ESR1: variants seen among roughly 807,000 people sequenced by gnomAD.
ESR1 encodes estrogen receptor.
In ESR1, 12 loss-of-function variants were observed where a neutral mutation model predicts 52.7. The ratio of observed to expected loss-of-function variants is 0.23; its 90% confidence interval spans 0.15 to 0.37. The LOEUF is 0.37. Among genes scored for constraint, ESR1 ranks in the 10% least tolerant of loss-of-function variants. The pLI is 1.00. For synonymous variants in ESR1, 305 were observed against 316.8 expected (o/e 0.96, Z 0.39); for missense variants, 584 against 779.7 (o/e 0.75, Z 2.99).
chr6:152,094,682 C>T lies in ESR1; in HGVS notation c.1553+114C>T. ...CTGCATATGGAGAGTGCACTTGTGA[C>T]AGTTCCTGGCATAGAATAAGCATAA... On this transcript the variant is annotated intron_variant, in intron 7 of 7. Transcript: ENST00000206249. This position sits in a 1 kb window ranked among gnomAD's most constrained non-coding sequence, Gnocchi z 4.6. 1.1e-6 allele frequency: 1 copy of T among 917,100 alleles called. No individual in the cohort carries two copies. The highest frequency in any genetic ancestry group is 1.4e-5 in the South Asian group (1 of 71,310). 56.8% of individuals were successfully genotyped at this position (917,100 alleles called of 1,614,324 possible).
At chr6:151,996,301 T>G (rs969639394) in intron 4 of ESR1, among the ~76,000 whole-genome samples, 1 of 152,138 alleles carries the variant, frequency 6.6e-6, no homozygotes, top group African/African-American at 2.4e-5. Flanking sequence ...TTTCCTTCTC[T>G]CAATACACCC....
At chr6:152,010,411 A>G (rs1271468190) in intron 4 of ESR1, among the ~76,000 whole-genome samples, 2 of 152,120 alleles carry the variant, frequency 1.3e-5, no homozygotes, top group African/African-American at 4.8e-5. Context: ...GCACACACAT[A>G]CACTCAACAG....
chr6:151,678,350 A>G (rs1778326579), intron 1 of ESR1, among the ~76,000 whole-genome samples: 2 of 151,928 alleles, frequency 1.3e-5, no homozygotes, highest in Non-Finnish European at 2.9e-5. Flanking sequence ...GTACACGCCT[A>G]TAATCCCAGC....
chr6:152,047,819 G>A (rs373414351), intron 5 of ESR1, among the ~76,000 whole-genome samples: 13 of 152,160 alleles, frequency 8.5e-5, no homozygotes, highest in African/African-American at 2.6e-4. Flanking sequence ...TCGCTTGGCC[G>A]GGGGAATTAA....
At position 151,921,251 on chromosome 6, in the gene ESR1, A is replaced by C. The variant is rs1188823116; in HGVS notation, c.761-22922A>C. 3.3e-5 allele frequency among the ~76,000 whole-genome samples: 5 copies of C among 152,276 alleles called. No individual in the cohort carries two copies. The South Asian group carries it at 1.0e-3, about 32-fold the overall frequency. ...CTTCCAGCTCCATCCATGTCTCTGC[A>C]AAGGATTTGATATCCTTCCTTTTTA... On this transcript the variant is annotated intron_variant, in intron 3 of 7. Coordinates refer to ENST00000206249, the MANE Select transcript of ESR1 (RefSeq NM_000125.4).
At chr6:151,875,989 G>C (rs988931278) in intron 2 of ESR1, among the ~76,000 whole-genome samples, 2 of 152,142 alleles carry the variant, frequency 1.3e-5, no homozygotes, top group Non-Finnish European at 2.9e-5. Context: ...AAGGATTGGC[G>C]GGGGAAGGCT....
At chr6:151,706,182 G>A (rs749382004) in intron 2 of ESR1, among the ~76,000 whole-genome samples, 10 of 152,174 alleles carry the variant, frequency 6.6e-5, no homozygotes, top group African/African-American at 1.7e-4. Flanking sequence ...TTCCTATTGC[G>A]ACATTCAGCC....
rs778796790 is a variant in ESR1, at chr6:151,728,199, A to C, written c.-71+26194A>C. Among the ~76,000 whole-genome samples, 24 of 152,122 alleles carry C rather than the reference A, an allele frequency of 1.6e-4. 1 individual carries two copies. The highest frequency in any genetic ancestry group is 3.1e-4 in the Non-Finnish European group (21 of 68,016). The stretch of plus-strand genomic sequence containing the variant: ...TTAGCTCTGAGTATCCTTCTCTATA[A>C]AGGAGGATGATGTTCTATTTACCCA... On this transcript the variant is annotated intron_variant, in intron 2 of 2. Transcript: ENST00000404742.
At chr6:151,850,115 T>TATATATATATTATTTTATATAC (rs1562475043) in intron 2 of ESR1, among the ~76,000 whole-genome samples, 10 of 1,738 alleles carry the variant, frequency 5.8e-3, no homozygotes, top group Non-Finnish European at 0.024. Context: ...TATACAAAAT[T>TATATATATATTATTTTATATAC]ATATATATAT....
chr6:151,826,541 T>C (rs978700926), intron 1 of ESR1, among the ~76,000 whole-genome samples: 11 of 152,334 alleles, frequency 7.2e-5, no homozygotes, highest in Admixed American at 6.5e-4. Context: ...AACTCTGCTT[T>C]ATTAACTTTG....
intron 3 of ESR1, among the ~76,000 whole-genome samples, chr6:151,901,573 A>C (rs183574284): frequency 6.6e-6 from 1 of 152,254 alleles, no homozygotes; most frequent in Admixed American, 6.5e-5. Context: ...ACAAGGTAGA[A>C]ATGGCTTATT....
intron 4 of ESR1, among the ~76,000 whole-genome samples, chr6:151,956,833 AATATAAATAAATATATATATATAT>A (rs2036991752): frequency 4.2e-5 from 1 of 23,632 alleles, no homozygotes; most frequent in African/African-American, 2.1e-4. Flanking sequence ...AATATATATA[AATATAAATAAATATATATATATAT>A]ATATAAATAT....
chr6:151,779,040 G>A (rs950789193), intron 2 of ESR1, among the ~76,000 whole-genome samples: 2 of 152,002 alleles, frequency 1.3e-5, no homozygotes, highest in Non-Finnish European at 2.9e-5. Flanking sequence ...CCATTCTGTA[G>A]GTTGCCTGTT....
chr6:151,735,670 G>T (rs1043025807), intron 2 of ESR1, among the ~76,000 whole-genome samples: 1 of 152,084 alleles, frequency 6.6e-6, no homozygotes, highest in Non-Finnish European at 1.5e-5. Context: ...CATCACTCGA[G>T]TAGTGTACTC....
intron 6 of ESR1, among the ~76,000 whole-genome samples, chr6:152,064,169 T>C (rs938295670): frequency 6.6e-6 from 1 of 152,240 alleles, no homozygotes; most frequent in Non-Finnish European, 1.5e-5. Flanking sequence ...TCCTGGTTAA[T>C]CCAAGATGCC....
intron 4 of ESR1, among the ~76,000 whole-genome samples, chr6:152,001,017 G>A (rs2041902681): frequency 6.6e-6 from 1 of 151,940 alleles, no homozygotes; most frequent in African/African-American, 2.4e-5. Flanking sequence ...GTAATCCTTA[G>A]GGAGCCAACA....
intron 2 of ESR1, among the ~76,000 whole-genome samples, chr6:151,746,164 G>A (rs1001512410): frequency 7.2e-5 from 11 of 152,122 alleles, no homozygotes; most frequent in Admixed American, 5.9e-4. Flanking sequence ...AAATAATGCT[G>A]CTGTGAACAC....
chr6:151,786,838 C>G (rs555742429), intron 2 of ESR1, among the ~76,000 whole-genome samples: 1 of 152,246 alleles, frequency 6.6e-6, no homozygotes, highest in African/African-American at 2.4e-5. Flanking sequence ...GAGATGGGGT[C>G]TTGCTCTGTC....
At chr6:152,065,626 C>T (rs2047905673) in intron 6 of ESR1, among the ~76,000 whole-genome samples, 1 of 152,154 alleles carries the variant, frequency 6.6e-6, no homozygotes, top group Non-Finnish European at 1.5e-5. Context: ...TTATCTACTT[C>T]TCTCCCTGGA....
Sources: allele counts gnomAD v4.1 joint callset (sites outside exome capture counted in the v4.1 genomes callset), GRCh38; gene constraint gnomAD v4.1.1; non-coding constraint Gnocchi (gnomAD v3.1); transcripts MANE v1.5; gene names NCBI Gene and HGNC (gene_info 2026-07-23, HGNC 2026-07-21).